CERS3: variants seen among roughly 807,000 people sequenced by gnomAD.
CERS3 encodes the protein ceramide synthase 3, also known as LAG1 homolog, ceramide synthase 3.
A neutral mutation model predicts 50.3 loss-of-function variants in CERS3; 33 were observed. That is an observed-to-expected ratio of 0.66 (90% CI 0.50 to 0.88). CERS3 has a LOEUF of 0.88. Among genes scored for constraint, CERS3 ranks in the 40% least tolerant of loss-of-function variants. The probability of loss-of-function intolerance (pLI) is 0.00; values close to 1 mark genes in which losing one functional copy is unlikely to be tolerated. For synonymous variants in CERS3, 176 were observed against 155.2 expected, an observed-to-expected ratio of 1.13 and a Z score of -0.99; for missense variants, 470 against 460.3, an observed-to-expected ratio of 1.02 and a Z score of -0.19.
chr15:100,454,475 T>C lies in CERS3; in HGVS notation c.999+1418A>G, dbSNP rs139181857. Among the ~76,000 whole-genome samples the C allele has an allele frequency of 2.8e-4, 42 of 150,566 alleles. No individual in the cohort carries two copies. The East Asian group carries it at 7.6e-3, about 27-fold the overall frequency. On this transcript the variant is annotated intron_variant, in intron 11 of 11. Transcript: ENST00000679737. ...GGGAAAGGACATCCTCTTCAATAAA[T>C]GGTGTGGGGAAAATTGGATATCCAC...
chr15:100,510,216 C>T (rs2036300101), intron 2 of CERS3, among the ~76,000 whole-genome samples: 1 of 152,056 alleles, frequency 6.6e-6, no homozygotes, highest in Non-Finnish European at 1.5e-5. Flanking sequence ...AGGATATTTA[C>T]TGTTTCTAAG....
Position 100,455,907 on chromosome 15 carries a change from A to C in CERS3, c.985T>G (p.Cys329Gly), listed in dbSNP as rs749483504. 6.2e-7 allele frequency: 1 copy of C among 1,610,960 alleles called. No homozygotes were observed. The change falls in exon 11 of 12, where the codon TGT becomes GGT. Residue 329 changes from cysteine to glycine, a missense_variant. Transcript: ENST00000679737. ...ACAGCCCTTACCTTCATGAATATAC[A>C]TCTGTTGAGCATCTTCAAGATGTAA... ...GYYILKMLNR[C>G]IFMKSIQDVR... is the part of the protein sequence containing the mutation.
intron 10 of CERS3, among the ~76,000 whole-genome samples, chr15:100,460,128 A>G (rs191271830): frequency 1.1e-3 from 162 of 152,290 alleles, no homozygotes; most frequent in African/African-American, 3.7e-3. Context: ...TCAATTGCTT[A>G]TTTTATACTT....
At chr15:100,530,809 A>T (rs537953550), upstream of CERS3, among the ~76,000 whole-genome samples, 197 of 152,316 alleles carry the variant, frequency 1.3e-3, 4 homozygotes, top group South Asian at 0.038. Flanking sequence ...CAGGCTGGGA[A>T]CAGTGGCTCA....
intron 1 of CERS3, chr15:100,544,148 A>T (rs2142448498): frequency 6.6e-6 from 1 of 152,536 alleles, no homozygotes; most frequent in Non-Finnish European, 1.5e-5. Flanking sequence ...CGTCCAGAGG[A>T]GGGGGGCCCA....
chr15:100,528,736 AG>A (rs1317878379), intron 1 of CERS3, 76 bp downstream of exon 1: 1 of 152,306 alleles, frequency 6.6e-6, no homozygotes, highest in African/African-American at 2.4e-5. Context: ...TACACACACA[AG>A]CTCACACGCG....
chr15:100,477,813 T>G (rs1010859526), intron 7 of CERS3, among the ~76,000 whole-genome samples: 1 of 152,188 alleles, frequency 6.6e-6, no homozygotes, highest in Admixed American at 6.5e-5. Context: ...AATATTTTAT[T>G]TGAAATCATT....
At chr15:100,441,804 C>CT (rs1038724196) in intron 11 of CERS3, among the ~76,000 whole-genome samples, 2 of 123,310 alleles carry the variant, frequency 1.6e-5, no homozygotes, top group East Asian at 2.9e-4. Flanking sequence ...CATCAGTCCC[C>CT]CCCAGTCTGT....
At chr15:100,484,711 G>A in intron 4 of CERS3, 43 bp from the exon 5 acceptor site, 1 of 1,382,692 alleles carries the variant, frequency 7.2e-7, no homozygotes, top group Non-Finnish European at 1.0e-6. Flanking sequence ...AAAGAACAGA[G>A]TCAGACTGGC....
At chr15:100,472,117 T>C (rs532418799) in intron 9 of CERS3, among the ~76,000 whole-genome samples, 1 of 152,222 alleles carries the variant, frequency 6.6e-6, no homozygotes, top group Non-Finnish European at 1.5e-5. Context: ...CTGTATTCAA[T>C]TGTTAGCCCT....
chr15:100,507,242 T>A (rs933837830), intron 2 of CERS3, among the ~76,000 whole-genome samples: 3 of 152,150 alleles, frequency 2.0e-5, no homozygotes, highest in Admixed American at 1.3e-4. Flanking sequence ...AAAATTGAAC[T>A]CTCCTGAAGA....
rs1044699747 is a variant in CERS3 at position 100,486,703 on chromosome 15, C to T, written c.289-2035G>A. On this transcript the variant is annotated intron_variant, in intron 4 of 11. Coordinates refer to ENST00000679737, the MANE Select transcript of CERS3 (RefSeq NM_001378789.1). ...TGCACTACACTCTGTGTGCTCAGAC[C>T]GAAGGGGCTCTGGGCCTAGCTTTAC... Among the ~76,000 whole-genome samples, 6 of 152,338 alleles carry T rather than the reference C, an allele frequency of 3.9e-5. No individual in the cohort carries two copies. In the South Asian group the frequency reaches 6.2e-4, roughly 16 times the overall value.
At chr15:100,411,681 T>C (rs1042304402) in intron 11 of CERS3, among the ~76,000 whole-genome samples, 1 of 152,188 alleles carries the variant, frequency 6.6e-6, no homozygotes, top group African/African-American at 2.4e-5. Flanking sequence ...AATTGCTGGA[T>C]CATGTGGTTA....
At chr15:100,541,297 C>G (rs879766922) in intron 1 of CERS3, among the ~76,000 whole-genome samples, 1 of 152,160 alleles carries the variant, frequency 6.6e-6, no homozygotes, top group Non-Finnish European at 1.5e-5. Context: ...CATGGCGAAA[C>G]CCTGTCTCTA....
chr15:100,402,930 C>T lies in CERS3; in HGVS notation c.1000-65G>A, dbSNP rs184721921. 4 of 1,494,910 alleles carry T rather than the reference C, an allele frequency of 2.7e-6. 1 individual carries two copies. In the East Asian group the frequency reaches 7.4e-5, roughly 28 times the overall value. 92.6% of individuals were successfully genotyped at this position (1,494,910 alleles called of 1,614,324 possible). A position where few individuals can be genotyped will look rare whatever the true frequency, so the allele number is the denominator to read the frequency against. ...CAGGAAGAGTCTTGAGTAAATCTGC[C>T]AACAGCCAGTTTCAAGTATGGCTCC... On this transcript the variant is annotated intron_variant, in intron 11 of 11. Transcript: ENST00000679737.
chr15:100,490,371 G>C (rs1567657531), intron 4 of CERS3, among the ~76,000 whole-genome samples: 1 of 152,072 alleles, frequency 6.6e-6, no homozygotes, highest in Non-Finnish European at 1.5e-5. Flanking sequence ...TAAAATAACA[G>C]TCCTACTCAT....
At chr15:100,418,215 C>T (rs1170740999) in intron 11 of CERS3, among the ~76,000 whole-genome samples, 2 of 152,006 alleles carry the variant, frequency 1.3e-5, no homozygotes, top group African/African-American at 2.4e-5. Context: ...ACTAGAATAA[C>T]CAATACAGAG....
intron 11 of CERS3, among the ~76,000 whole-genome samples, chr15:100,453,376 A>T (rs1481831256): frequency 1.3e-5 from 2 of 152,256 alleles, no homozygotes; most frequent in Non-Finnish European, 2.9e-5. Context: ...GATACATTAC[A>T]TCGACAGAAT....
At chr15:100,425,022 A>AGT (rs35562582) in intron 11 of CERS3, among the ~76,000 whole-genome samples, 57,096 of 152,024 alleles carry the variant, frequency 0.38, 11,206 homozygotes, top group East Asian at 0.55. Context: ...GCTTCCATAT[A>AGT]GTTAAGCCTG....
Sources: allele counts gnomAD v4.1 joint callset (sites outside exome capture counted in the v4.1 genomes callset), GRCh38; gene constraint gnomAD v4.1.1; transcripts MANE v1.5; gene names NCBI Gene and HGNC (gene_info 2026-07-23, HGNC 2026-07-21).